The following PXDNL variants were observed in gnomAD, a reference collection of about 807,000 sequenced individuals.
The protein encoded by PXDNL is peroxidasin like.
Under a neutral mutation model 150.8 loss-of-function variants are expected in PXDNL, and 145 were observed. The observed-to-expected ratio is 0.96, with a 90% CI of 0.84 to 1.10. The LOEUF is 1.10. Ranked by LOEUF, PXDNL falls within the 50% of genes least tolerant of loss-of-function variation. The pLI, the probability that PXDNL is intolerant of heterozygous loss-of-function variation, is 0.00. For synonymous variants in PXDNL, 757 were observed against 725.7 expected (o/e 1.04, Z -0.69); for missense variants, 2,087 against 1,873.9 (o/e 1.11, Z -2.10).
chr8:51,591,914 C>T lies in PXDNL; in HGVS notation c.308+713G>A, dbSNP rs533917691. Among the ~76,000 whole-genome samples the T allele has an allele frequency of 1.4e-4, 22 of 152,300 alleles. No homozygotes were observed. In the South Asian group the frequency reaches 2.5e-3, roughly 17 times the overall value. Reference sequence around the variant, plus strand: ...GATTACAGGCGTGAGCCACCGTGCCCGGCCCATTATTGCCTTAACATTTTT... The same window carrying T: ...GATTACAGGCGTGAGCCACCGTGCCTGGCCCATTATTGCCTTAACATTTTT... On this transcript the variant is annotated intron_variant, in intron 3 of 22. Transcript: ENST00000356297.
chr8:51,611,256 G>A (rs915604395), intron 2 of PXDNL, among the ~76,000 whole-genome samples: 1 of 152,078 alleles, frequency 6.6e-6, no homozygotes, highest in Non-Finnish European at 1.5e-5. Context: ...AGGGATATAT[G>A]ACACCCTTAT....
In PXDNL at chr8:51,408,533, T is replaced by C; in HGVS notation, c.3091A>G (p.Arg1031Gly). 1 of 1,613,280 alleles carries C rather than the reference T, an allele frequency of 6.2e-7. No individual in the cohort carries two copies. The highest frequency in any genetic ancestry group is 1.1e-5 in the South Asian group (1 of 90,904). Residue 1031 changes from arginine (R) to glycine (G), a missense_variant, in exon 17 of 23, where the codon AGG (arginine) becomes GGG (glycine). Transcript: ENST00000356297. ...VLGDPGTRMLRGYRGYNPNVN... is the reference protein window; with the variant it reads ...VLGDPGTRMLGGYRGYNPNVN... ...TTGGGGTTGTAGCCTCGGTAACCCC[T>C]CAGCATCCTAGTGCCAGGGTCCCCC...
chr8:51,776,429 C>T (rs1439768231), intron 1 of PXDNL, among the ~76,000 whole-genome samples: 1 of 152,160 alleles, frequency 6.6e-6, no homozygotes, highest in Non-Finnish European at 1.5e-5. Context: ...TAAAATTTCC[C>T]TCTTTTGTAC....
intron 17 of PXDNL, among the ~76,000 whole-genome samples, chr8:51,397,787 G>A (rs1194439742): frequency 6.6e-6 from 1 of 151,790 alleles, no homozygotes; most frequent in Admixed American, 6.6e-5. Context: ...TAAGTTCTAG[G>A]GTACATGTGC....
chr8:51,329,452 A>G lies in PXDNL; in HGVS notation c.4147-8555T>C, dbSNP rs375735667. ...CAAAGGCTTATCAACTACAGTTCCT[A>G]TTACCCAAGACATCATGTATGGCTT... is the stretch of plus-strand genomic sequence containing the variant. On this transcript the variant is annotated intron_variant, in intron 21 of 22. Coordinates refer to ENST00000356297, the MANE Select transcript of PXDNL (RefSeq NM_144651.5). Among the ~76,000 whole-genome samples the G allele has an allele frequency of 2.5e-3, 386 of 152,338 alleles. 6 individuals are homozygous for G. Among genetic ancestry groups the G allele is most frequent in the African/African-American group, 8.7e-3 (360 of 41,568 alleles).
chr8:51,639,419 T>C (rs1026486885), intron 2 of PXDNL, among the ~76,000 whole-genome samples: 4 of 152,124 alleles, frequency 2.6e-5, no homozygotes, highest in African/African-American at 9.7e-5. Flanking sequence ...CAGGAGCTGG[T>C]TTTTTGAAAA....
chr8:51,359,560 GAA>G (rs57133329), intron 19 of PXDNL, among the ~76,000 whole-genome samples: 110,937 of 151,344 alleles, frequency 0.73, 41,140 homozygotes, highest in East Asian at 0.94. Flanking sequence ...GTTTCAGAAG[GAA>G]AAAAAAATAT....
chr8:51,332,547 G>A (rs1312462977), intron 21 of PXDNL, among the ~76,000 whole-genome samples: 1 of 151,712 alleles, frequency 6.6e-6, no homozygotes, highest in Non-Finnish European at 1.5e-5. Context: ...ACCAGAGAAA[G>A]GCGAAGCTCA....
chr8:51,761,477 T>C (rs1467001140), intron 1 of PXDNL, among the ~76,000 whole-genome samples: 1 of 152,226 alleles, frequency 6.6e-6, no homozygotes, highest in Non-Finnish European at 1.5e-5. Flanking sequence ...GCCATTATTT[T>C]ATTATTACCC....
At chr8:51,616,130 C>T (rs1327305970) in intron 2 of PXDNL, among the ~76,000 whole-genome samples, 1 of 152,190 alleles carries the variant, frequency 6.6e-6, no homozygotes, top group African/African-American at 2.4e-5. Context: ...AATTAAGGAG[C>T]CATTAGGTTG....
intron 8 of PXDNL, among the ~76,000 whole-genome samples, chr8:51,468,304 A>G (rs1810247766): frequency 6.6e-6 from 1 of 151,850 alleles, no homozygotes; most frequent in South Asian, 2.1e-4. Context: ...ATTCTTCATC[A>G]GCTATTTTGT....
intron 3 of PXDNL, among the ~76,000 whole-genome samples, chr8:51,567,003 A>C (rs1395674313): frequency 6.6e-6 from 1 of 151,822 alleles, no homozygotes; most frequent in Non-Finnish European, 1.5e-5. Flanking sequence ...TCAGTTCAAA[A>C]TACTTTTAAA....
chr8:51,565,510 GTAA>G (rs1812807568), intron 3 of PXDNL, among the ~76,000 whole-genome samples: 2 of 151,448 alleles, frequency 1.3e-5, no homozygotes, highest in Non-Finnish European at 2.9e-5. Context: ...TTTTTTCACT[GTAA>G]TAATAATATG....
intron 1 of PXDNL, among the ~76,000 whole-genome samples, chr8:51,751,223 T>C (rs1397221301): frequency 2.0e-5 from 3 of 152,202 alleles, no homozygotes; most frequent in Non-Finnish European, 4.4e-5. Context: ...GCAGATCTGC[T>C]CTAATCTTAA....
At position 51,385,111 on chromosome 8, in the gene PXDNL, AC is replaced by A. The variant is rs375973323; in HGVS notation, c.3558-10381del. ...ACAATAGCATGTTTGAACAATACTT[AC>A]AGCATGACAGCTATTAACAATTATA... On this transcript the variant is annotated intron_variant, in intron 17 of 22. Coordinates refer to ENST00000356297, the MANE Select transcript of PXDNL (RefSeq NM_144651.5). 6.8e-3 allele frequency among the ~76,000 whole-genome samples: 1,040 copies of A among 152,292 alleles called. 8 individuals are homozygous for A. The highest frequency in any genetic ancestry group is 0.024 in the African/African-American group (983 of 41,566).
chr8:51,358,711 G>A lies in PXDNL; in HGVS notation c.3902-12764C>T, dbSNP rs527977126. ...TGAGCTCACAGGGATTTGGGAGCACGGTGCCCTGAAGATGAGCACCCCAAA... is the reference window on the plus strand; with the variant it reads ...TGAGCTCACAGGGATTTGGGAGCACAGTGCCCTGAAGATGAGCACCCCAAA... On this transcript the variant is annotated intron_variant, in intron 19 of 22. Coordinates refer to ENST00000356297, the MANE Select transcript of PXDNL (RefSeq NM_144651.5). Among the ~76,000 whole-genome samples the A allele has an allele frequency of 1.1e-4, 16 of 152,204 alleles. No homozygotes were observed. In the East Asian group the frequency reaches 2.7e-3, roughly 26 times the overall value.
chr8:51,457,977 C>T (rs1809972662), intron 8 of PXDNL, among the ~76,000 whole-genome samples: 1 of 152,104 alleles, frequency 6.6e-6, no homozygotes, highest in East Asian at 1.9e-4. Flanking sequence ...GACACTTCAG[C>T]ACATTTTTAT....
intron 2 of PXDNL, among the ~76,000 whole-genome samples, chr8:51,639,804 A>C (rs544727963): frequency 1.3e-5 from 2 of 152,258 alleles, no homozygotes; most frequent in South Asian, 4.1e-4. Context: ...TTCCTTCTGA[A>C]ACTATTCCAA....
intron 4 of PXDNL, among the ~76,000 whole-genome samples, chr8:51,556,353 C>T (rs1812600065): frequency 6.6e-6 from 1 of 152,000 alleles, no homozygotes; most frequent in African/African-American, 2.4e-5. Flanking sequence ...ATTTTATTAT[C>T]TGTAAAATGA....
Sources: allele counts gnomAD v4.1 joint callset (sites outside exome capture counted in the v4.1 genomes callset), GRCh38; gene constraint gnomAD v4.1.1; transcripts MANE v1.5; gene names NCBI Gene and HGNC (gene_info 2026-07-23, HGNC 2026-07-21).